The following CHODL variants were observed in gnomAD, a reference collection of about 807,000 sequenced individuals.
CHODL encodes the protein transmembrane protein MT75.
A neutral mutation model predicts 34.5 loss-of-function variants in CHODL; 29 were observed. The observed-to-expected ratio is 0.84, with a 90% CI of 0.63 to 1.15. The LOEUF (loss-of-function observed/expected upper bound fraction) is 1.15, where lower values mean the gene tolerates loss of function less well. Among genes scored for constraint, CHODL ranks in the 50% most tolerant of loss-of-function variants. CHODL has a pLI of 0.00. For synonymous variants in CHODL, 125 were observed against 116.1 expected (o/e 1.08, Z -0.49); for missense variants, 332 against 332.5 (o/e 1.00, Z 0.01).
At chr21:18,139,099 T>C (rs908547701) in intron 2 of CHODL, among the ~76,000 whole-genome samples, 9 of 152,052 alleles carry the variant, frequency 5.9e-5, no homozygotes, top group African/African-American at 1.7e-4. Flanking sequence ...ATGAGTATGT[T>C]TGTGAATTTG....
chr21:17,951,877 T>A (rs1031609353), intron 1 of CHODL, among the ~76,000 whole-genome samples: 3 of 152,024 alleles, frequency 2.0e-5, no homozygotes, highest in African/African-American at 7.2e-5. Context: ...GATAGAAATA[T>A]TGGATAGAAA....
chr21:17,944,971 A>C lies in CHODL; in HGVS notation c.-145+27571A>C, dbSNP rs1446653072. Among the ~76,000 whole-genome samples, 5 of 152,264 alleles carry C rather than the reference A, an allele frequency of 3.3e-5. No homozygotes were observed. The East Asian group carries it at 7.7e-4, about 24-fold the overall frequency. ...TACGCCTGGAATCCCAGCACTTTGG[A>C]GGGCCAAGGCGGGTGGATCACAGGG... On this transcript the variant is annotated intron_variant, in intron 1 of 6. Transcript: ENST00000400127.
chr21:18,092,721 A>C (rs148423403), intron 2 of CHODL, among the ~76,000 whole-genome samples: 1 of 152,370 alleles, frequency 6.6e-6, no homozygotes, highest in African/African-American at 2.4e-5. Context: ...TAGATTATGC[A>C]GAAGAAAGAG....
At position 18,171,344 on chromosome 21, in the gene CHODL, C is replaced by G. The variant is rs998872768; in HGVS notation, c.-44-85165C>G. On this transcript the variant is annotated intron_variant, in intron 2 of 6. Transcript: ENST00000400127. ...GCCTCAGCCTCCCGAGTAGCTGGGA[C>G]TACAGGCGCCCGCCACCGCGCCCGG... Among the ~76,000 whole-genome samples, 148 of 149,194 alleles carry G rather than the reference C, an allele frequency of 9.9e-4. 1 individual carries two copies. The highest frequency in any genetic ancestry group is 3.5e-3 in the African/African-American group (141 of 40,520).
chr21:18,085,148 C>T (rs1314002917), intron 2 of CHODL, among the ~76,000 whole-genome samples: 1 of 151,748 alleles, frequency 6.6e-6, no homozygotes, highest in Non-Finnish European at 1.5e-5. Context: ...TCTTTTTCCA[C>T]CCCTTTACTT....
chr21:18,034,595 C>A (rs75736751), intron 2 of CHODL: 2 of 151,984 alleles, frequency 1.3e-5, no homozygotes, highest in Non-Finnish European at 2.9e-5. Flanking sequence ...TTTGTATTAG[C>A]GTGGAGGGTC....
intron 2 of CHODL, among the ~76,000 whole-genome samples, chr21:18,122,590 G>C (rs1006008284): frequency 9.2e-5 from 14 of 151,908 alleles, no homozygotes; most frequent in Admixed American, 2.6e-4. Flanking sequence ...CAATGCCAGA[G>C]AGCCCTACCA....
At chr21:18,210,607 A>G (rs2073762224) in intron 2 of CHODL, among the ~76,000 whole-genome samples, 2 of 152,174 alleles carry the variant, frequency 1.3e-5, no homozygotes, top group Non-Finnish European at 2.9e-5. Flanking sequence ...CTCTTTTCGC[A>G]TCTCCAGTAG....
chr21:18,247,459 A>C (rs2146784507), intron 1 of CHODL, among the ~76,000 whole-genome samples: 1 of 152,300 alleles, frequency 6.6e-6, no homozygotes, highest in South Asian at 2.1e-4. Flanking sequence ...TAATACCTTA[A>C]AATATTCAAT....
At chr21:18,201,235 A>G (rs1159976741) in intron 2 of CHODL, among the ~76,000 whole-genome samples, 1 of 152,080 alleles carries the variant, frequency 6.6e-6, no homozygotes. Flanking sequence ...ATTGGCAATT[A>G]TTTTTTATTT....
chr21:18,117,090 A>G (rs1291367280), intron 2 of CHODL, among the ~76,000 whole-genome samples: 1 of 152,220 alleles, frequency 6.6e-6, no homozygotes, highest in Non-Finnish European at 1.5e-5. Flanking sequence ...TCCACTATCA[A>G]TAGCAAAGCA....
intron 2 of CHODL, among the ~76,000 whole-genome samples, chr21:18,205,754 T>TTTGG (rs2073704666): frequency 7.7e-6 from 1 of 130,560 alleles, no homozygotes; most frequent in African/African-American, 2.7e-5. Flanking sequence ...TTTTTTTTTT[T>TTTGG]GAGATAGAGT....
intron 2 of CHODL, among the ~76,000 whole-genome samples, chr21:18,061,538 A>G (rs1334724809): frequency 7.5e-6 from 1 of 132,878 alleles, no homozygotes; most frequent in Non-Finnish European, 1.7e-5. Flanking sequence ...TATCCTTTAC[A>G]AATAATGTCT....
Position 18,245,295 on chromosome 21 carries a change from G to C in CHODL, c.72G>C (p.Val24=). 1 of 1,524,368 alleles carries C rather than the reference G, an allele frequency of 6.6e-7. No individual in the cohort carries two copies. 94.4% of individuals were successfully genotyped at this position (1,524,368 alleles called of 1,614,324 possible). ...LCGHGAFCRR[V]VSGQKVCFAD... ...GCCACGGAGCCTTCTGCCGCCGCGT[G>C]GTCAGCGGTGAGTCAGGGGCCGTCT... is the stretch of plus-strand genomic sequence containing the variant. The change falls in exon 1 of 6, where the codon GTG becomes GTC. Residue 24 remains valine (V), a synonymous_variant. Transcript: ENST00000299295.
At chr21:18,070,025 T>TCC (rs762159927) in intron 2 of CHODL, among the ~76,000 whole-genome samples, 5 of 29,090 alleles carry the variant, frequency 1.7e-4, no homozygotes, top group Admixed American at 1.2e-3. Context: ...TTCCCTTCCC[T>TCC]CCCCCCCCCC....
chr21:18,190,327 AT>A (rs1242153407), intron 2 of CHODL, among the ~76,000 whole-genome samples: 1 of 152,184 alleles, frequency 6.6e-6, no homozygotes, highest in Non-Finnish European at 1.5e-5. Context: ...TTATAGGTAG[AT>A]TTTTTGTTGT....
In CHODL at chr21:18,244,847, C is replaced by G. The variant is rs1020164949; in HGVS notation, c.-377C>G. 9.6e-6 allele frequency: 2 copies of G among 208,860 alleles called. No individual in the cohort carries two copies. Among genetic ancestry groups the G allele is most frequent in the African/African-American group, 4.6e-5 (2 of 43,194 alleles). 12.9% of individuals were successfully genotyped at this position (208,860 alleles called of 1,614,324 possible). On this transcript the variant is annotated 5_prime_UTR_variant, in exon 1 of 6. The change creates a new upstream start codon in the 5' untranslated region. Coordinates refer to ENST00000299295, the MANE Select transcript of CHODL (RefSeq NM_024944.3). ...GCAGAGCGGCTGCTGCTGCTGTGAT[C>G]CAGGACCAGGGCGCACCGGCTCAGC...
chr21:18,174,121 GTGTATATA>G lies in CHODL; in HGVS notation c.-44-82386_-44-82379del, dbSNP rs1236247683. Among the ~76,000 whole-genome samples the G allele has an allele frequency of 6.4e-3, 386 of 60,668 alleles. 39 individuals carry two copies. In the East Asian group the frequency reaches 0.088, roughly 14 times the overall value. The allele number at this position is 60,668 out of a possible 152,430, so 39.8% of individuals were successfully genotyped here. A position where few individuals can be genotyped will look rare whatever the true frequency, so the allele number is the denominator to read the frequency against. ...AGGATATATATATATATATATCTTG[GTGTATATA>G]TATATATATATATATATATATATAT... is the stretch of plus-strand genomic sequence containing the variant. On this transcript the variant is annotated intron_variant, in intron 2 of 6. Coordinates refer to the CHODL transcript ENST00000400127.
intron 1 of CHODL, among the ~76,000 whole-genome samples, chr21:17,996,395 A>G (rs2063849741): frequency 6.6e-6 from 1 of 152,180 alleles, no homozygotes; most frequent in Non-Finnish European, 1.5e-5. Flanking sequence ...TTGCCTCTGG[A>G]CTTATACAGC....
Sources: gnomAD v4.1 joint callset for allele counts (sites outside exome capture counted in the v4.1 genomes callset) on GRCh38, gnomAD v4.1.1 for gene constraint, MANE v1.5 for transcripts, NCBI Gene and HGNC (gene_info 2026-07-23, HGNC 2026-07-21) for gene names.